The following DNAH3 variants were observed in gnomAD, a reference collection of about 807,000 sequenced individuals.
DNAH3 encodes axonemal beta dynein heavy chain 3.
In DNAH3, 332 loss-of-function variants were observed where a neutral mutation model predicts 432.5. The ratio of observed to expected loss-of-function variants is 0.77; its 90% confidence interval spans 0.70 to 0.84. DNAH3 has a LOEUF of 0.84. Among genes scored for constraint, DNAH3 ranks in the 40% least tolerant of loss-of-function variants. The pLI is 0.00. For missense variants in DNAH3, 4,861 were observed against 5,114.0 expected (o/e 0.95, Z 1.51); for synonymous variants, 1,956 against 1,900.2 (o/e 1.03, Z -0.76).
exon 62 of DNAH3, chr16:20,933,393 G>A (rs1884271900): frequency 6.2e-7 from 1 of 1,614,028 alleles, no homozygotes; most frequent in Admixed American, 1.7e-5. Context: ...ATTTTGGGGA[G>A]AGATTCCCCA....
chr16:20,979,213 G>T, intron 50 of DNAH3, 117 bp downstream of exon 50: 1 of 852,934 alleles, frequency 1.2e-6, no homozygotes, highest in Non-Finnish European at 1.9e-6. Flanking sequence ...CTCTGCAAAT[G>T]CAGGGTCACA....
intron 50 of DNAH3, among the ~76,000 whole-genome samples, chr16:20,977,967 T>A (rs766675562): frequency 2.0e-5 from 3 of 152,292 alleles, no homozygotes; most frequent in South Asian, 2.1e-4. Context: ...TTCTCTCCCA[T>A]CCCTGCATTG....
rs542147515 is a variant in DNAH3, at chr16:21,027,397, G to A, written c.5440-270C>T. ...TCGAAGTGGTGAAAAGTGCTCTGGA[G>A]AAAAATTTAGTAGAAGAGGGGGTTG... On this transcript the variant is annotated intron_variant, in intron 37 of 61. Coordinates refer to ENST00000261383, the Ensembl canonical transcript of DNAH3. Among the ~76,000 whole-genome samples the A allele has an allele frequency of 1.4e-3, 216 of 151,794 alleles. 8 individuals are homozygous for A. The South Asian group carries it at 0.044, about 31-fold the overall frequency.
Position 21,002,444 on chromosome 16 carries a change from GTTATTA to G in DNAH3, c.6126+654_6126+659del, listed in dbSNP as rs67362610. 4.5e-3 allele frequency among the ~76,000 whole-genome samples: 659 copies of G among 146,770 alleles called. 5 individuals carry two copies. Among genetic ancestry groups the G allele is most frequent in the African/African-American group, 0.013 (508 of 39,920 alleles). On this transcript the variant is annotated intron_variant, in intron 42 of 61. Coordinates refer to ENST00000261383, the Ensembl canonical transcript of DNAH3. The stretch of plus-strand genomic sequence containing the variant: ...AGCACACTGATGACTATCTGGTGTT[GTTATTA>G]TTATTATTATTATTATTATTATTAT...
At position 20,944,396 on chromosome 16, in the gene DNAH3, C is replaced by G. The variant is rs1447311137; in HGVS notation, c.11511+100G>C. On this transcript the variant is annotated intron_variant, in intron 58 of 61. Coordinates refer to ENST00000261383, the Ensembl canonical transcript of DNAH3. ...CCCTTGGCCAGGAGGCTGCCAGGCCCCCACTCTCTGCCTCTTGGTCACCCT... is the reference window on the plus strand; with the variant it reads ...CCCTTGGCCAGGAGGCTGCCAGGCCGCCACTCTCTGCCTCTTGGTCACCCT... 4.3e-6 allele frequency: 6 copies of G among 1,406,958 alleles called. No homozygotes were observed. The East Asian group carries it at 1.1e-4, about 27-fold the overall frequency. 87.2% of individuals were successfully genotyped at this position (1,406,958 alleles called of 1,614,324 possible).
At chr16:20,947,319 C>T (rs556319132) in intron 57 of DNAH3, among the ~76,000 whole-genome samples, 2 of 152,304 alleles carry the variant, frequency 1.3e-5, no homozygotes, top group Admixed American at 6.5e-5. Context: ...CCATACTTCA[C>T]CCTATGCATC....
rs796129737 is a variant in DNAH3, at chr16:21,020,354, A to G, written c.5777-485T>C. On this transcript the variant is annotated intron_variant, in intron 40 of 61. Coordinates refer to ENST00000261383, the Ensembl canonical transcript of DNAH3. The stretch of plus-strand genomic sequence containing the variant: ...GTATAATAATATAGTGTGTGTATAT[A>G]TATATATATATATAAAATCACTATA... Among the ~76,000 whole-genome samples the G allele has an allele frequency of 3.0e-3, 298 of 99,682 alleles. 7 individuals carry two copies. Among genetic ancestry groups the G allele is most frequent in the African/African-American group, 9.4e-3 (213 of 22,758 alleles). 65.4% of individuals were successfully genotyped at this position (99,682 alleles called of 152,430 possible).
At chr16:21,114,528 A>G (rs959726816) in intron 12 of DNAH3, among the ~76,000 whole-genome samples, 5 of 152,216 alleles carry the variant, frequency 3.3e-5, no homozygotes, top group African/African-American at 1.2e-4. Flanking sequence ...GCAATGAGAA[A>G]TCCGTGGAAC....
At chr16:21,073,246 G>A (rs2090857607) in intron 21 of DNAH3, among the ~76,000 whole-genome samples, 1 of 152,188 alleles carries the variant, frequency 6.6e-6, no homozygotes, top group South Asian at 2.1e-4. Flanking sequence ...TAATAAAGTG[G>A]TTTCTTGATC....
At chr16:21,075,373 GAATCGTTTCTGT>G (rs1172564606) in intron 21 of DNAH3, 62 bp downstream of exon 21, 2 of 1,031,802 alleles carry the variant, frequency 1.9e-6, no homozygotes, top group Non-Finnish European at 3.1e-6. Flanking sequence ...CATTCTGAAT[GAATCGTTTCTGT>G]AATCTATTGC....
chr16:21,142,797 G>A (rs1470492868), intron 3 of DNAH3, among the ~76,000 whole-genome samples: 1 of 151,940 alleles, frequency 6.6e-6, no homozygotes, highest in East Asian at 1.9e-4. Context: ...AGGAGTACAG[G>A]CGCATGCCAC....
rs993318620 is a variant in DNAH3 at position 21,041,947 on chromosome 16, A to T, written c.4638+80T>A. On this transcript the variant is annotated intron_variant, in intron 32 of 61. Transcript: ENST00000261383. ...CTTGGCCTCCCAAAGTGCTGGGATT[A>T]TAGGTGTGAGCCGCCACACCCGGCC... The T allele has an allele frequency of 3.5e-5, 53 of 1,535,512 alleles. No homozygotes were observed. In the East Asian group the frequency reaches 1.1e-3, roughly 33 times the overall value.
At chr16:20,933,717 A>C (rs1410489625) in intron 61 of DNAH3, among the ~76,000 whole-genome samples, 2 of 152,190 alleles carry the variant, frequency 1.3e-5, no homozygotes, top group Non-Finnish European at 1.5e-5. Flanking sequence ...TGCCCTTCCC[A>C]ATGGTGGGCT....
At chr16:21,151,324 T>G (rs1173746951) in intron 1 of DNAH3, among the ~76,000 whole-genome samples, 1 of 111,456 alleles carries the variant, frequency 9.0e-6, no homozygotes, top group Non-Finnish European at 2.0e-5. Context: ...TTTCCCCGTT[T>G]TTTTTTTTTT....
chr16:21,107,282 A>T (rs7187120), intron 14 of DNAH3, among the ~76,000 whole-genome samples: 5,253 of 125,786 alleles, frequency 0.042, 153 homozygotes, highest in East Asian at 0.19. Context: ...TTGCTCTGTC[A>T]CCCAGGCTGG....
At chr16:21,069,455 C>T (rs2090699464) in exon 23 of DNAH3, 4 of 1,614,082 alleles carry the variant, frequency 2.5e-6, no homozygotes, top group East Asian at 2.2e-5. Flanking sequence ...ATCAACAATG[C>T]CAAATTTCCT....
intron 44 of DNAH3, among the ~76,000 whole-genome samples, chr16:20,992,395 T>C (rs1233174082): frequency 1.3e-5 from 2 of 152,158 alleles, no homozygotes; most frequent in Non-Finnish European, 2.9e-5. Flanking sequence ...ACCCAGGCTG[T>C]AGTGCAGTGG....
chr16:21,097,357 T>C (rs1389100671), exon 18 of DNAH3: 1 of 1,613,596 alleles, frequency 6.2e-7, no homozygotes, highest in Non-Finnish European at 8.5e-7. Flanking sequence ...CCACATACCA[T>C]TCATCCATTC....
chr16:20,938,927 A>G (rs942058314), intron 59 of DNAH3, among the ~76,000 whole-genome samples: 1 of 151,982 alleles, frequency 6.6e-6, no homozygotes, highest in Non-Finnish European at 1.5e-5. Flanking sequence ...CAATGCCCAG[A>G]TAATTTTATG....
Sources: gnomAD v4.1 joint callset for allele counts (sites outside exome capture counted in the v4.1 genomes callset) on GRCh38, gnomAD v4.1.1 for gene constraint, MANE v1.5 for transcripts, NCBI Gene and HGNC (gene_info 2026-07-23, HGNC 2026-07-21) for gene names.